The following GCN1 variants were observed in gnomAD, a reference collection of about 807,000 sequenced individuals.
The protein encoded by GCN1 is stalled ribosome sensor GCN1.
A neutral mutation model predicts 288.4 loss-of-function variants in GCN1; 90 were observed. The ratio of observed to expected loss-of-function variants is 0.31; its 90% CI spans 0.26 to 0.37. The LOEUF is 0.37. GCN1 is among the 10% of genes least tolerant of loss of function. The pLI, the probability that GCN1 is intolerant of heterozygous loss-of-function variation, is 1.00. For missense variants in GCN1, 2,586 were observed against 3,419.9 expected (o/e 0.76, Z 6.08); for synonymous variants, 1,386 against 1,420.2 (o/e 0.98, Z 0.54).
chr12:120,129,416 G>T lies in GCN1; in HGVS notation c.7750C>A (p.Pro2584Thr). ...IWWANKDPLP[P>T]LDPQAIKPIL... ...GGCTTGATGGCCTGGGGGTCCAGGG[G>T]AGGCAGTGGGTCCTTATTTGCCCAC... Residue 2584 changes from proline (P) to threonine (T), a missense_variant, in exon 57 of 58, where the codon CCC (proline) becomes ACC (threonine). By Grantham distance (38) the Pro-to-Thr change is conservative. Around this residue, in one of 8 missense-constraint regions of GCN1, gnomAD observed 355 missense variants for 431.1 expected, o/e 0.82. Coordinates refer to ENST00000300648, the MANE Select transcript of GCN1 (RefSeq NM_006836.2). 6.2e-7 allele frequency: 1 copy of T among 1,613,914 alleles called. No individual in the cohort carries two copies. The highest frequency in any genetic ancestry group is 8.5e-7 in the Non-Finnish European group (1 of 1,179,780).
In GCN1 at chr12:120,175,842, C is replaced by G. The variant is rs1325675658; in HGVS notation, c.946G>C (p.Asp316His). 24 of 1,613,130 alleles carry G rather than the reference C, an allele frequency of 1.5e-5. No individual in the cohort carries two copies. Among genetic ancestry groups the G allele is most frequent in the African/African-American group, 2.7e-5 (2 of 74,878 alleles). The part of the protein sequence containing the change: ...HLKSNSPRLM[D>H]EAVLALRNLA... ...TTCCGCAGTGCCAGCACAGCTTCAT[C>G]CATCAGGCGGGGACTGTTGGATTTC... Residue 316 changes from aspartate (D) to histidine (H), a missense_variant, in exon 11 of 58, where the codon GAT becomes CAT. Asp to His is a moderately conservative substitution (Grantham distance 81). Coordinates refer to ENST00000300648, the MANE Select transcript of GCN1 (RefSeq NM_006836.2).
At position 120,168,240 on chromosome 12, in the gene GCN1, G is replaced by C. The variant is rs750414171; in HGVS notation, c.1580C>G (p.Ser527Cys). 1 of 1,604,128 alleles carries C rather than the reference G, an allele frequency of 6.2e-7. No homozygotes were observed. The highest frequency in any genetic ancestry group is 8.5e-7 in the Non-Finnish European group (1 of 1,170,860). Residue 527 changes from serine to cysteine, a missense_variant, in exon 16 of 58, where the codon TCT (serine) becomes TGT (cysteine). Physicochemically the swap from Ser to Cys is moderately radical, Grantham distance 112. Coordinates refer to ENST00000300648, the MANE Select transcript of GCN1 (RefSeq NM_006836.2). ...IVDEKKQVFT[S>C]EKFLVMASED... ...TGAAGCCATGACCAGGAATTTCTCA[G>C]AAGTGAAAACCTGCTTTTTCTCATC... is the stretch of plus-strand genomic sequence containing the variant.
Position 120,127,719 on chromosome 12 carries a change from G to A in GCN1, c.*130C>T, listed in dbSNP as rs779194187. On this transcript the variant is annotated 3_prime_UTR_variant, in exon 58 of 58. Coordinates refer to ENST00000300648, the MANE Select transcript of GCN1 (RefSeq NM_006836.2). ...GGGTTTGATTTAAGGCTTTGGCTGT[G>A]GTCTATTGATATTAAAATACTTTCT... The A allele has an allele frequency of 2.4e-4, 236 of 992,810 alleles. No individual in the cohort carries two copies. In the East Asian group the frequency reaches 5.6e-3, roughly 23 times the overall value. 61.5% of individuals were successfully genotyped at this position (992,810 alleles called of 1,614,324 possible).
chr12:120,173,516 C>T (rs575493268), intron 14 of GCN1, 137 bp downstream of exon 14: 7 of 637,038 alleles, frequency 1.1e-5, no homozygotes, highest in Non-Finnish European at 1.9e-5. Flanking sequence ...AAGCCCAATG[C>T]TCTCATTTAT....
chr12:120,166,769 TG>T (rs1878142138), intron 16 of GCN1, among the ~76,000 whole-genome samples: 1 of 150,012 alleles, frequency 6.7e-6, no homozygotes, highest in Non-Finnish European at 1.5e-5. Context: ...CCAACACTTT[TG>T]GAGGCTGAGG....
At position 120,138,743 on chromosome 12, in the gene GCN1, G is replaced by A. The variant is rs375384887; in HGVS notation, c.6108C>T (p.Ile2036=). ...GAATGTCCTCCAGAGCCTGGTGGCCGATGGTGGAATGCAGCTGCTCGAAAG... is the reference window on the plus strand; with the variant it reads ...GAATGTCCTCCAGAGCCTGGTGGCCAATGGTGGAATGCAGCTGCTCGAAAG... ...AKTFEQLHST[I]GHQALEDILP... Residue 2036 remains isoleucine (I), a synonymous_variant, in exon 46 of 58, where the codon ATC becomes ATT. Coordinates refer to ENST00000300648, the MANE Select transcript of GCN1 (RefSeq NM_006836.2). 94 of 1,614,160 alleles carry A rather than the reference G, an allele frequency of 5.8e-5. No individual in the cohort carries two copies. In the African/African-American group the frequency reaches 9.1e-4, roughly 16 times the overall value.
chr12:120,164,970 CAT>C (rs1293916693), intron 16 of GCN1, among the ~76,000 whole-genome samples: 71 of 145,278 alleles, frequency 4.9e-4, no homozygotes, highest in African/African-American at 1.7e-3. Context: ...CATATATACA[CAT>C]ATATATACAT....
Position 120,138,732 on chromosome 12 carries a change from G to A in GCN1, c.6119C>T (p.Ala2040Val), listed in dbSNP as rs1164866583. The A allele has an allele frequency of 6.2e-7, 1 of 1,614,204 alleles. No individual in the cohort carries two copies. The highest frequency in any genetic ancestry group is 1.1e-5 in the South Asian group (1 of 91,088). The stretch of plus-strand genomic sequence containing the variant: ...TAAAAATGGGAGAATGTCCTCCAGA[G>A]CCTGGTGGCCGATGGTGGAATGCAG... ...EQLHSTIGHQ[A>V]LEDILPFLLK... is the part of the protein sequence containing the mutation. Residue 2040 changes from alanine (A) to valine (V), a missense_variant, in exon 46 of 58, where the codon GCT becomes GTT. This residue lies in a region of GCN1 where 437 missense variants were observed against 570.5 expected (regional missense o/e 0.77). Coordinates refer to ENST00000300648, the MANE Select transcript of GCN1 (RefSeq NM_006836.2).
chr12:120,185,001 A>C, intron 2 of GCN1, 114 bp from the exon 3 acceptor site: 2 of 709,718 alleles, frequency 2.8e-6, no homozygotes, highest in Non-Finnish European at 5.0e-6. Flanking sequence ...CCATATATTT[A>C]AGACCTTCCT....
chr12:120,144,394 G>C lies in GCN1; in HGVS notation c.5407C>G (p.Arg1803Gly). Residue 1803 changes from arginine (R) to glycine (G), a missense_variant, in exon 42 of 58, where the codon CGG becomes GGG. Transcript: ENST00000300648. This position sits in a 1 kb window ranked among gnomAD's most constrained non-coding sequence, Gnocchi z 4.7. The stretch of plus-strand genomic sequence containing the variant: ...GTCTCAGCGTACATGGAGATAACCC[G>C]CTGGCCCGCGCGCAGGGCGGTGTCA... ...VRDTALRAGQRVISMYAETAI... is the reference protein window; with the variant it reads ...VRDTALRAGQGVISMYAETAI... The C allele has an allele frequency of 6.2e-7, 1 of 1,614,144 alleles. No homozygotes were observed. The highest frequency in any genetic ancestry group is 8.5e-7 in the Non-Finnish European group (1 of 1,179,938).
intron 45 of GCN1, 35 bp from the exon 46 acceptor site, chr12:120,138,891 G>A: frequency 2.6e-6 from 4 of 1,566,924 alleles, no homozygotes; most frequent in Non-Finnish European, 3.5e-6. Context: ...CCAGATGCAG[G>A]AAAGGCAAAG....
chr12:120,187,841 T>TTC (rs1320001595), intron 2 of GCN1, among the ~76,000 whole-genome samples: 1 of 150,706 alleles, frequency 6.6e-6, no homozygotes, highest in East Asian at 2.0e-4. Context: ...GGACCACACT[T>TTC]TGAGAGCCAA....
In GCN1 at chr12:120,147,147, G is replaced by A; in HGVS notation, c.4852C>T (p.Pro1618Ser). The change falls in exon 38 of 58, where the codon CCC (proline) becomes TCC (serine). Residue 1618 changes from proline (P) to serine (S), a missense_variant. By Grantham distance (74) the Pro-to-Ser change is moderately conservative. Transcript: ENST00000300648. ...IDAPSLALIMPIVQRAFQDRS... is the reference protein window; with the variant it reads ...IDAPSLALIMSIVQRAFQDRS... ...TCCTGGAAGGCTCTCTGGACAATGG[G>A]CATGATGAGGGCCAGGGATGGGGCA... 1 of 1,612,896 alleles carries A rather than the reference G, an allele frequency of 6.2e-7. No homozygotes were observed. The highest frequency in any genetic ancestry group is 8.5e-7 in the Non-Finnish European group (1 of 1,179,212).
At chr12:120,139,936 C>G (rs1401833373) in intron 45 of GCN1, among the ~76,000 whole-genome samples, 3 of 152,212 alleles carry the variant, frequency 2.0e-5, no homozygotes, top group Non-Finnish European at 2.9e-5. Flanking sequence ...CACAGCAAAG[C>G]CCACTCTGCA....
At chr12:120,128,494 AC>A (rs1876694156) in intron 57 of GCN1, among the ~76,000 whole-genome samples, 1 of 151,148 alleles carries the variant, frequency 6.6e-6, no homozygotes, top group Non-Finnish European at 1.5e-5. Flanking sequence ...GCGCCACCAC[AC>A]CTGGCTAATT....
chr12:120,135,615 G>A (rs1431933280), intron 51 of GCN1, among the ~76,000 whole-genome samples: 24 of 151,738 alleles, frequency 1.6e-4, no homozygotes, highest in Admixed American at 1.5e-3. Context: ...TGCCCACCTC[G>A]GCCTCCCAAA....
intron 14 of GCN1, among the ~76,000 whole-genome samples, chr12:120,172,476 C>T (rs9630281): frequency 0.21 from 31,230 of 152,136 alleles, 3,853 homozygotes; most frequent in East Asian, 0.56. Context: ...AGAAGGGGGT[C>T]CCCTCCCAAG....
intron 51 of GCN1, among the ~76,000 whole-genome samples, chr12:120,135,484 C>T (rs12820392): frequency 1.3e-5 from 2 of 152,136 alleles, no homozygotes; most frequent in East Asian, 1.9e-4. Flanking sequence ...CTGCCTCAGC[C>T]TCCTGAGTAG....
chr12:120,193,720 C>T (rs1191766310), intron 1 of GCN1, among the ~76,000 whole-genome samples: 1 of 152,212 alleles, frequency 6.6e-6, no homozygotes, highest in African/African-American at 2.4e-5. Context: ...GTTAAACATT[C>T]AGCATGTATT....
Sources: allele counts gnomAD v4.1 joint callset (sites outside exome capture counted in the v4.1 genomes callset), GRCh38; gene constraint gnomAD v4.1.1; regional missense constraint gnomAD v4.1.1; non-coding constraint Gnocchi (gnomAD v3.1); transcripts MANE v1.5; gene names NCBI Gene and HGNC (gene_info 2026-07-23, HGNC 2026-07-21).